Variants in PDE11A observed in about 807,000 individuals in gnomAD.
The protein encoded by PDE11A is dual 3',5'-cyclic-AMP and -GMP phosphodiesterase 11A.
In PDE11A, 100 loss-of-function variants were observed where a neutral mutation model predicts 100.5. That is an observed-to-expected ratio of 1.00 (90% CI 0.85 to 1.18). The LOEUF (loss-of-function observed/expected upper bound fraction) is 1.18, where lower values mean the gene tolerates loss of function less well. PDE11A is among the 50% of genes most tolerant of loss of function. The pLI, the probability that PDE11A is intolerant of heterozygous loss-of-function variation, is 0.00. For synonymous variants in PDE11A, 381 were observed against 420.8 expected, an observed-to-expected ratio of 0.91 and a Z score of 1.16; for missense variants, 1,141 against 1,152.6, an observed-to-expected ratio of 0.99 and a Z score of 0.15.
At chr2:177,839,954 A>G (rs2083462528) in intron 6 of PDE11A, among the ~76,000 whole-genome samples, 1 of 152,190 alleles carries the variant, frequency 6.6e-6, no homozygotes, top group Admixed American at 6.5e-5. Context: ...TAGTTGTTTT[A>G]GGGTCTATTG....
intron 1 of PDE11A, among the ~76,000 whole-genome samples, chr2:178,032,151 T>A (rs968342922): frequency 4.6e-5 from 7 of 152,154 alleles, no homozygotes; most frequent in Non-Finnish European, 8.8e-5. Context: ...TGTATTCATA[T>A]CCTACACCCT....
intron 12 of PDE11A, among the ~76,000 whole-genome samples, chr2:177,722,575 A>C (rs1231191111): frequency 6.6e-6 from 1 of 152,194 alleles, no homozygotes; most frequent in Non-Finnish European, 1.5e-5. Context: ...ATGCAGTCAG[A>C]GAGAAGAAAA....
At chr2:177,988,834 G>A (rs1282848216) in intron 2 of PDE11A, among the ~76,000 whole-genome samples, 1 of 152,182 alleles carries the variant, frequency 6.6e-6, no homozygotes, top group African/African-American at 2.4e-5. Context: ...AGGTATACAG[G>A]CAGCAAGAAA....
intron 4 of PDE11A, among the ~76,000 whole-genome samples, chr2:177,888,188 A>T (rs1198853281): frequency 2.6e-5 from 4 of 152,234 alleles, no homozygotes; most frequent in Non-Finnish European, 5.9e-5. Context: ...GGTCAAGAAT[A>T]AGCAAGCCAG....
chr2:178,009,979 G>A (rs2086257598), intron 2 of PDE11A, among the ~76,000 whole-genome samples: 1 of 152,170 alleles, frequency 6.6e-6, no homozygotes, highest in African/African-American at 2.4e-5. Flanking sequence ...GCAGTTATGT[G>A]TATAAAATAA....
chr2:177,723,914 C>A (rs1405544119), intron 12 of PDE11A, among the ~76,000 whole-genome samples: 1 of 152,070 alleles, frequency 6.6e-6, no homozygotes, highest in Non-Finnish European at 1.5e-5. Context: ...TTTCCGATAT[C>A]TAGTCTACAT....
intron 2 of PDE11A, among the ~76,000 whole-genome samples, chr2:177,964,263 T>G (rs1033480750): frequency 1.3e-5 from 2 of 152,184 alleles, no homozygotes; most frequent in African/African-American, 4.8e-5. Context: ...AAGTGTTATC[T>G]TCTATCCACC....
intron 2 of PDE11A, chr2:177,922,745 G>T: frequency 5.1e-6 from 5 of 985,290 alleles, no homozygotes; most frequent in Non-Finnish European, 6.0e-6. Context: ...TGCTTACAGG[G>T]CCTACACTCA....
At chr2:177,845,482 G>T (rs993414919) in intron 5 of PDE11A, among the ~76,000 whole-genome samples, 1 of 151,770 alleles carries the variant, frequency 6.6e-6, no homozygotes, top group African/African-American at 2.4e-5. Context: ...TGGCGGCCGG[G>T]AAGAGGTGCT....
chr2:178,099,191 C>T (rs1249852276), intron 2 of PDE11A, among the ~76,000 whole-genome samples: 2 of 151,922 alleles, frequency 1.3e-5, no homozygotes, highest in African/African-American at 4.8e-5. Context: ...TTTGGGAGGC[C>T]GAGGCGGGCA....
intron 5 of PDE11A, among the ~76,000 whole-genome samples, chr2:177,845,206 C>T (rs1444156135): frequency 6.0e-5 from 9 of 150,868 alleles, no homozygotes; most frequent in Non-Finnish European, 1.2e-4. Flanking sequence ...GGGTGGCTGC[C>T]GGGCGGAGAC....
At chr2:178,106,189 A>G (rs1344401752) in intron 1 of PDE11A, among the ~76,000 whole-genome samples, 1 of 152,262 alleles carries the variant, frequency 6.6e-6, no homozygotes, top group African/African-American at 2.4e-5. Context: ...TAACACAAAC[A>G]TTCTTAGTTA....
chr2:177,770,893 C>T (rs1437356582), intron 9 of PDE11A, among the ~76,000 whole-genome samples: 1 of 152,176 alleles, frequency 6.6e-6, no homozygotes, highest in African/African-American at 2.4e-5. Context: ...GTAGTGTGAT[C>T]ATAGCTCACT....
At chr2:177,946,120 G>A (rs1202978027) in intron 2 of PDE11A, among the ~76,000 whole-genome samples, 1 of 108,266 alleles carries the variant, frequency 9.2e-6, no homozygotes, top group Non-Finnish European at 1.9e-5. Context: ...TCAGCCCTCC[G>A]CCCGGCCAGC....
intron 2 of PDE11A, among the ~76,000 whole-genome samples, chr2:178,091,386 T>A (rs2087421623): frequency 6.6e-6 from 1 of 152,170 alleles, no homozygotes; most frequent in Admixed American, 6.5e-5. Flanking sequence ...ATATCTTAAC[T>A]AGCTAACATA....
At chr2:177,908,936 A>G (rs1232933296) in intron 2 of PDE11A, among the ~76,000 whole-genome samples, 3 of 152,242 alleles carry the variant, frequency 2.0e-5, no homozygotes, top group Non-Finnish European at 4.4e-5. Flanking sequence ...ACAATGTACT[A>G]TCAAGAAAGC....
intron 19 of PDE11A, among the ~76,000 whole-genome samples, chr2:177,653,898 G>A (rs1475749247): frequency 6.6e-6 from 1 of 152,186 alleles, no homozygotes; most frequent in Non-Finnish European, 1.5e-5. Flanking sequence ...GAGCCTCTCA[G>A]GCATTCCTTC....
chr2:177,766,314 C>T (rs773737905), intron 10 of PDE11A, among the ~76,000 whole-genome samples: 2 of 152,156 alleles, frequency 1.3e-5, no homozygotes, highest in Non-Finnish European at 2.9e-5. Flanking sequence ...TGACAGGAGG[C>T]GGAGCTCAGG....
At chr2:177,704,198 C>T (rs2081242958) in intron 13 of PDE11A, among the ~76,000 whole-genome samples, 1 of 152,158 alleles carries the variant, frequency 6.6e-6, no homozygotes, top group African/African-American at 2.4e-5. Flanking sequence ...AAGACATGTT[C>T]TGACCTTCAG....
Sources: allele counts gnomAD v4.1 joint callset (sites outside exome capture counted in the v4.1 genomes callset), GRCh38; gene constraint gnomAD v4.1.1; transcripts MANE v1.5; gene names NCBI Gene and HGNC (gene_info 2026-07-23, HGNC 2026-07-21).